GRM7: variants seen among roughly 807,000 people sequenced by gnomAD.
The protein encoded by GRM7 is glutamate metabotropic receptor 7, also known as metabotropic glutamate receptor 7.
GRM7 carries 35 observed loss-of-function variants against 84.5 expected under a neutral mutation model. That is an observed-to-expected ratio of 0.41 (90% CI 0.32 to 0.55). The LOEUF is 0.55. Among genes scored for constraint, GRM7 ranks in the 20% least tolerant of loss-of-function variants. The pLI is 0.19. For synonymous variants in GRM7, 487 were observed against 455.1 expected, an observed-to-expected ratio of 1.07 and a Z score of -0.89; for missense variants, 1,003 against 1,194.6, an observed-to-expected ratio of 0.84 and a Z score of 2.36.
At chr3:7,335,261 C>T (rs535388925) in intron 4 of GRM7, among the ~76,000 whole-genome samples, 2 of 151,984 alleles carry the variant, frequency 1.3e-5, no homozygotes, top group Admixed American at 6.6e-5. Context: ...CCAAGAGGAA[C>T]CTTTAAAACT....
chr3:7,164,608 C>A (rs1221915738), intron 2 of GRM7, among the ~76,000 whole-genome samples: 1 of 152,184 alleles, frequency 6.6e-6, no homozygotes, highest in Admixed American at 6.5e-5. Context: ...GATTATCTTT[C>A]TTCTTTTCAC....
chr3:7,358,005 A>G (rs1006075784), intron 4 of GRM7, among the ~76,000 whole-genome samples: 3 of 152,110 alleles, frequency 2.0e-5, no homozygotes, highest in Non-Finnish European at 2.9e-5. Context: ...GACCTTGAAT[A>G]TAGAGCAACA....
chr3:6,951,499 G>A (rs1049933141), intron 1 of GRM7, among the ~76,000 whole-genome samples: 1 of 152,140 alleles, frequency 6.6e-6, no homozygotes, highest in East Asian at 1.9e-4. Context: ...TTAACATTTA[G>A]TTTAAAACAG....
At chr3:7,210,378 T>A (rs1696380868) in intron 2 of GRM7, among the ~76,000 whole-genome samples, 1 of 152,346 alleles carries the variant, frequency 6.6e-6, no homozygotes, top group Middle Eastern at 3.4e-3. Flanking sequence ...AGCATGCTGA[T>A]GAGGCTTGTA....
intron 2 of GRM7, among the ~76,000 whole-genome samples, chr3:7,257,964 T>C (rs1173247694): frequency 1.3e-5 from 2 of 152,194 alleles, no homozygotes; most frequent in Non-Finnish European, 2.9e-5. Context: ...TTTTGATTGA[T>C]TGAGCCATCC....
At chr3:7,433,543 T>C (rs144095731) in intron 5 of GRM7, among the ~76,000 whole-genome samples, 42 of 152,320 alleles carry the variant, frequency 2.8e-4, no homozygotes, top group African/African-American at 1.0e-3. Context: ...TCCTGTCATA[T>C]CGCCTTACTT....
Position 7,289,557 on chromosome 3 carries a change from A to G in GRM7, c.737-9127A>G, listed in dbSNP as rs1045832164. 7.9e-5 allele frequency among the ~76,000 whole-genome samples: 12 copies of G among 152,304 alleles called. 1 individual carries two copies. The South Asian group carries it at 1.9e-3, about 24-fold the overall frequency. On this transcript the variant is annotated intron_variant, in intron 2 of 9. Coordinates refer to ENST00000357716, the MANE Select transcript of GRM7 (RefSeq NM_000844.4). The stretch of plus-strand genomic sequence containing the variant: ...CATGCTGCTATAAAGACACATGCAC[A>G]TATATGTTTATTGCGGCACTATTCA...
At chr3:7,424,465 C>G (rs1440411913) in intron 5 of GRM7, among the ~76,000 whole-genome samples, 1 of 152,052 alleles carries the variant, frequency 6.6e-6, no homozygotes, top group Non-Finnish European at 1.5e-5. Flanking sequence ...TTACGTTATT[C>G]TAGTTGATCC....
chr3:7,120,452 C>G (rs1693180062), intron 1 of GRM7, among the ~76,000 whole-genome samples: 1 of 152,048 alleles, frequency 6.6e-6, no homozygotes, highest in African/African-American at 2.4e-5. Context: ...GAACAATAAA[C>G]TTGTTATAGA....
chr3:7,310,441 A>G (rs572891423), intron 4 of GRM7, among the ~76,000 whole-genome samples: 19 of 152,162 alleles, frequency 1.2e-4, no homozygotes, highest in African/African-American at 4.3e-4. Context: ...CAAAGCTGTG[A>G]AGATCTGAAC....
intron 1 of GRM7, among the ~76,000 whole-genome samples, chr3:6,985,591 G>A (rs1332730220): frequency 6.6e-6 from 1 of 152,148 alleles, no homozygotes; most frequent in Non-Finnish European, 1.5e-5. Context: ...AGAAACTGAA[G>A]CTCAAAGTGG....
chr3:7,090,079 G>T (rs1307821958), intron 1 of GRM7, among the ~76,000 whole-genome samples: 2 of 152,128 alleles, frequency 1.3e-5, no homozygotes, highest in Non-Finnish European at 2.9e-5. Context: ...CTGACCTCAG[G>T]TGATCCACCA....
At chr3:7,261,245 G>A (rs554907720) in intron 2 of GRM7, among the ~76,000 whole-genome samples, 2 of 152,282 alleles carry the variant, frequency 1.3e-5, no homozygotes, top group Admixed American at 1.3e-4. Flanking sequence ...ATTTAAAACA[G>A]CTTGCATTAA....
intron 9 of GRM7, among the ~76,000 whole-genome samples, chr3:7,737,647 G>A (rs574967879): frequency 6.6e-6 from 1 of 152,182 alleles, no homozygotes; most frequent in African/African-American, 2.4e-5. Flanking sequence ...TGCCCTTCTA[G>A]GACCTGCATA....
intron 1 of GRM7, among the ~76,000 whole-genome samples, chr3:6,936,535 A>G (rs896483721): frequency 6.6e-5 from 10 of 152,018 alleles, no homozygotes; most frequent in African/African-American, 2.4e-4. Flanking sequence ...TTTACTTATC[A>G]CCATTCATTC....
intron 1 of GRM7, among the ~76,000 whole-genome samples, chr3:6,897,162 G>A (rs1244167226): frequency 1.3e-5 from 2 of 152,172 alleles, no homozygotes; most frequent in African/African-American, 4.8e-5. Flanking sequence ...AAATCAGCTG[G>A]AAATGAACCC....
At chr3:6,959,013 C>G (rs1024445447) in intron 1 of GRM7, among the ~76,000 whole-genome samples, 3 of 152,148 alleles carry the variant, frequency 2.0e-5, no homozygotes, top group Non-Finnish European at 4.4e-5. Context: ...GCATATGGCC[C>G]TGTAGGCGTC....
chr3:7,124,955 T>A (rs1365816796), intron 1 of GRM7, among the ~76,000 whole-genome samples: 1 of 152,184 alleles, frequency 6.6e-6, no homozygotes, highest in Non-Finnish European at 1.5e-5. Flanking sequence ...TCTTTTCTTT[T>A]TGAGGCAGAG....
intron 7 of GRM7, among the ~76,000 whole-genome samples, chr3:7,493,577 G>C (rs1699599446): frequency 6.6e-6 from 1 of 151,878 alleles, no homozygotes; most frequent in Admixed American, 6.6e-5. Context: ...AATTTGAAGT[G>C]AGTTTCCATT....
Sources: gnomAD v4.1 joint callset for allele counts (sites outside exome capture counted in the v4.1 genomes callset) on GRCh38, gnomAD v4.1.1 for gene constraint, MANE v1.5 for transcripts, NCBI Gene and HGNC (gene_info 2026-07-23, HGNC 2026-07-21) for gene names.